PCDHGB5: variants seen among roughly 807,000 people sequenced by gnomAD.
PCDHGB5 encodes the protein protocadherin gamma-B5.
A neutral mutation model predicts 62.9 loss-of-function variants in PCDHGB5; 48 were observed. That is an observed-to-expected ratio of 0.76 (90% CI 0.61 to 0.97). The LOEUF is 0.97. PCDHGB5 is among the 50% of genes least tolerant of loss of function. PCDHGB5 has a pLI of 0.00. For missense variants in PCDHGB5, 1,118 were observed against 1,198.6 expected (o/e 0.93, Z 0.99); for synonymous variants, 474 against 511.2 (o/e 0.93, Z 0.98).
intron 1 of PCDHGB5, chr5:141,421,801 A>G (rs754191783): frequency 6.2e-7 from 1 of 1,613,858 alleles, no homozygotes; most frequent in Middle Eastern, 1.6e-4. Flanking sequence ...TGGGGCCAAG[A>G]ATCCAGAGCT....
chr5:141,408,699 CAATT>C (rs778787749), intron 1 of PCDHGB5: 9 of 1,613,534 alleles, frequency 5.6e-6, no homozygotes, highest in Non-Finnish European at 6.8e-6. Flanking sequence ...AACATAAACT[CAATT>C]AAAGATTATA....
At chr5:141,437,011 T>C (rs2097858173) in intron 1 of PCDHGB5, among the ~76,000 whole-genome samples, 1 of 152,236 alleles carries the variant, frequency 6.6e-6, no homozygotes, top group Non-Finnish European at 1.5e-5. Flanking sequence ...GGATCTTAGA[T>C]AATTTCACCA....
rs758599120 is a variant in PCDHGB5 at position 141,414,165 on chromosome 5, A to G, written c.2397+13641A>G. On this transcript the variant is annotated intron_variant, in intron 1 of 3. Transcript: ENST00000617380. The stretch of plus-strand genomic sequence containing the variant: ...AAATACAAGCAGAAGATGGAGGAGC[A>G]TATCTTGCAACTGCAAAAGTGTTGA... 8 of 1,604,890 alleles carry G rather than the reference A, an allele frequency of 5.0e-6. No homozygotes were observed. The highest frequency in any genetic ancestry group is 2.2e-5 in the South Asian group (2 of 89,922).
At position 141,505,390 on chromosome 5, in the gene PCDHGB5, C is replaced by T; in HGVS notation, c.2457-3C>T. On this transcript the variant is annotated splice_polypyrimidine_tract_variant and splice_region_variant and intron_variant, in intron 2 of 3. Coordinates refer to ENST00000617380, the MANE Select transcript of PCDHGB5 (RefSeq NM_018925.3). ...TGTGCTCACCATCCTACTCTCTCCCCAGCTCCCAAAATGGCGATGACACCG... is the reference window on the plus strand; with the variant it reads ...TGTGCTCACCATCCTACTCTCTCCCTAGCTCCCAAAATGGCGATGACACCG... The T allele has an allele frequency of 6.2e-7, 1 of 1,614,130 alleles. No individual in the cohort carries two copies.
intron 2 of PCDHGB5, among the ~76,000 whole-genome samples, chr5:141,503,010 A>T (rs1595838084): frequency 6.8e-6 from 1 of 146,772 alleles, no homozygotes; most frequent in East Asian, 2.0e-4. Context: ...TGCCCGGTTA[A>T]TTTTTTTTTT....
chr5:141,399,947 C>G lies in PCDHGB5; in HGVS notation c.1820C>G (p.Ala607Gly). 6.2e-7 allele frequency: 1 copy of G among 1,612,228 alleles called. No homozygotes were observed. Residue 607 changes from alanine (A) to glycine (G), a missense_variant, in exon 1 of 4, where the codon GCT becomes GGT. This residue lies in a region of PCDHGB5 where 1,034 missense variants were observed against 1,029.1 expected (regional missense o/e 1.00). Coordinates refer to ENST00000617380, the MANE Select transcript of PCDHGB5 (RefSeq NM_018925.3). ...TGGCTGTCCTACCACGTGCTGCAGG[C>G]TAGCGAGCCCGGGCTCTTCAGCCTG... Reference protein sequence around the residue: ...NAWLSYHVLQASEPGLFSLGL... With the variant: ...NAWLSYHVLQGSEPGLFSLGL...
chr5:141,467,055 C>CTT (rs1193465269), intron 1 of PCDHGB5, among the ~76,000 whole-genome samples: 5 of 134,496 alleles, frequency 3.7e-5, no homozygotes, highest in African/African-American at 5.4e-5. Context: ...TCAATGTTTT[C>CTT]TTTTTTTTTT....
chr5:141,422,871 G>A (rs769543752), intron 1 of PCDHGB5: 1 of 1,614,216 alleles, frequency 6.2e-7, no homozygotes, highest in Admixed American at 1.7e-5. Context: ...GCAACGTGTC[G>A]CTGAGCCTGT....
chr5:141,458,509 CTTTGT>C (rs1181745590), intron 1 of PCDHGB5, among the ~76,000 whole-genome samples: 1 of 149,986 alleles, frequency 6.7e-6, no homozygotes, highest in Non-Finnish European at 1.5e-5. Context: ...CTGTTTGACA[CTTTGT>C]TTTTTTTTTT....
At chr5:141,410,849 C>CTTTTTTTTTTTTTTTTTTTCTT (rs2095436178) in intron 1 of PCDHGB5, 1 of 129,786 alleles carries the variant, frequency 7.7e-6, no homozygotes, top group Non-Finnish European at 1.3e-5. Context: ...TTGTCTTTGT[C>CTTTTTTTTTTTTTTTTTTTCTT]TTTTTTTTTT....
intron 1 of PCDHGB5, among the ~76,000 whole-genome samples, chr5:141,429,377 G>GTT (rs566693637): frequency 2.2e-4 from 33 of 149,524 alleles, no homozygotes; most frequent in South Asian, 1.5e-3. Context: ...GAGAAAATGT[G>GTT]TTTTTTTTTT....
In PCDHGB5 at chr5:141,433,177, A is replaced by T; in HGVS notation, c.2397+32653A>T. 1.9e-6 allele frequency: 3 copies of T among 1,608,174 alleles called. No homozygotes were observed. The Middle Eastern group carries it at 5.0e-4, about 267-fold the overall frequency. Reference sequence around the variant, plus strand: ...TATTTTCTAAAGACAGTCATGGGTTAATTGAGGTGAGTTTATATCAAATCT... The same window carrying T: ...TATTTTCTAAAGACAGTCATGGGTTTATTGAGGTGAGTTTATATCAAATCT... On this transcript the variant is annotated intron_variant, in intron 1 of 3. Coordinates refer to ENST00000617380, the MANE Select transcript of PCDHGB5 (RefSeq NM_018925.3).
In PCDHGB5 at chr5:141,398,645, C is replaced by T. The variant is rs932721053; in HGVS notation, c.518C>T (p.Ser173Phe). Residue 173 changes from serine (S) to phenylalanine (F), a missense_variant, in exon 1 of 4, where the codon TCT becomes TTT. Physicochemically the swap from Ser to Phe is radical, Grantham distance 155. Coordinates refer to ENST00000617380, the MANE Select transcript of PCDHGB5 (RefSeq NM_018925.3). The part of the protein sequence containing the change: ...GLNSLQKYKL[S>F]LNPSFSLIIK... ...AACTCTCTGCAGAAGTATAAACTCT[C>T]TCTTAACCCAAGTTTCTCATTAATA... 6.2e-7 allele frequency: 1 copy of T among 1,613,936 alleles called. No homozygotes were observed. Among genetic ancestry groups the T allele is most frequent in the African/African-American group, 1.3e-5 (1 of 74,938 alleles).
chr5:141,405,433 T>A, intron 1 of PCDHGB5: 1 of 1,471,752 alleles, frequency 6.8e-7, no homozygotes, highest in Non-Finnish European at 9.3e-7. Flanking sequence ...TTTTGTTTTG[T>A]TTTTGAGACA....
At chr5:141,461,738 C>A (rs2099021378) in intron 1 of PCDHGB5, among the ~76,000 whole-genome samples, 1 of 150,904 alleles carries the variant, frequency 6.6e-6, no homozygotes. Flanking sequence ...TGGCACAATC[C>A]CGGCTCCCAG....
intron 1 of PCDHGB5, chr5:141,441,480 T>A (rs1679700290): frequency 5.9e-6 from 1 of 170,298 alleles, no homozygotes. Flanking sequence ...CCAACGACAA[T>A]GCTCTGGTTT....
rs1434955829 is a variant in PCDHGB5, at chr5:141,431,361, A to G, written c.2397+30837A>G. 3 of 1,614,002 alleles carry G rather than the reference A, an allele frequency of 1.9e-6. No homozygotes were observed. The highest frequency in any genetic ancestry group is 2.5e-6 in the Non-Finnish European group (3 of 1,180,034). On this transcript the variant is annotated intron_variant, in intron 1 of 3. Transcript: ENST00000617380. The surrounding 1 kb of genome is among the most constrained non-coding windows in gnomAD (Gnocchi z 4.8). ...GAATTGGTGCTGAAACGCGCCCTGG[A>G]CCGCGAAGAAAAGGCTGCTCACCAC...
In PCDHGB5 at chr5:141,415,516, G is replaced by T. The variant is rs199990575; in HGVS notation, c.2397+14992G>T. The T allele has an allele frequency of 1.9e-6, 3 of 1,614,220 alleles. No individual in the cohort carries two copies. In the African/African-American group the frequency reaches 4.0e-5, roughly 22 times the overall value. ...GATCTTCCCCCAGCCCAATTATGCG[G>T]ACACGCTCATCAGCCAGGAGAGCTG... On this transcript the variant is annotated intron_variant, in intron 1 of 3. Coordinates refer to ENST00000617380, the MANE Select transcript of PCDHGB5 (RefSeq NM_018925.3).
chr5:141,489,896 C>T lies in PCDHGB5; in HGVS notation c.2398-4911C>T, dbSNP rs765318875. 3 of 1,614,180 alleles carry T rather than the reference C, an allele frequency of 1.9e-6. No homozygotes were observed. The highest frequency in any genetic ancestry group is 1.3e-5 in the African/African-American group (1 of 75,066). On this transcript the variant is annotated intron_variant, in intron 1 of 3. Coordinates refer to ENST00000617380, the MANE Select transcript of PCDHGB5 (RefSeq NM_018925.3). The surrounding 1 kb of genome is among the most constrained non-coding windows in gnomAD (Gnocchi z 4.5). ...GTGCTTACTGCTGTGGATGGGGGGA[C>T]CCCAGCCCGCTCAGGGACCACCCTT...
Sources: gnomAD v4.1 joint callset for allele counts (sites outside exome capture counted in the v4.1 genomes callset) on GRCh38, gnomAD v4.1.1 for gene constraint, gnomAD v4.1.1 regional missense constraint, Gnocchi (gnomAD v3.1) non-coding constraint, MANE v1.5 for transcripts, NCBI Gene and HGNC (gene_info 2026-07-23, HGNC 2026-07-21) for gene names.